RBM47: variants seen among roughly 807,000 people sequenced by gnomAD.
RBM47 encodes RNA binding motif protein 47.
In RBM47, 21 loss-of-function variants were observed where a neutral mutation model predicts 47.1. The observed-to-expected ratio is 0.45, with a 90% confidence interval of 0.32 to 0.64. The LOEUF (loss-of-function observed/expected upper bound fraction) is 0.64. RBM47 is among the 30% of genes least tolerant of loss of function. RBM47 has a pLI of 0.05. For missense variants in RBM47, 708 were observed against 870.9 expected, an observed-to-expected ratio of 0.81 and a Z score of 2.35; for synonymous variants, 375 against 361.7, an observed-to-expected ratio of 1.04 and a Z score of -0.42.
At chr4:40,586,941 A>C (rs1480781747) in intron 1 of RBM47, among the ~76,000 whole-genome samples, 1 of 152,128 alleles carries the variant, frequency 6.6e-6, no homozygotes. Flanking sequence ...GACCTTGGGC[A>C]CATCACGTGA....
At chr4:40,562,271 T>C (rs1283705831) in intron 1 of RBM47, among the ~76,000 whole-genome samples, 1 of 152,062 alleles carries the variant, frequency 6.6e-6, no homozygotes. Context: ...GGTCCTCTTT[T>C]GGAAGCCTGG....
At chr4:40,471,035 G>A (rs775086847) in intron 2 of RBM47, among the ~76,000 whole-genome samples, 23 of 152,228 alleles carry the variant, frequency 1.5e-4, no homozygotes, top group Non-Finnish European at 2.9e-4. Context: ...GAGCCACCGC[G>A]TCTCGCCAGA....
At chr4:40,477,710 G>C (rs962298715) in intron 2 of RBM47, among the ~76,000 whole-genome samples, 1 of 152,038 alleles carries the variant, frequency 6.6e-6, no homozygotes, top group Non-Finnish European at 1.5e-5. Flanking sequence ...TAAGACTAAG[G>C]GGGTAAGGAG....
At chr4:40,535,105 G>A (rs1460785460) in intron 2 of RBM47, among the ~76,000 whole-genome samples, 2 of 152,128 alleles carry the variant, frequency 1.3e-5, no homozygotes, top group Admixed American at 1.3e-4. Flanking sequence ...GATTATGGAA[G>A]AGATCAAATG....
chr4:40,438,008 G>T lies in RBM47; in HGVS notation c.886C>A (p.His296Asn), dbSNP rs546878565. ...GTGCCGTTGAGGTTGTTCATGGCAT[G>T]CACGGCATCCTCGCGGCTGGTGAAG... ...VHFTSREDAV[H>N]AMNNLNGTEL... The change falls in exon 4 of 7, where the codon CAT becomes AAT. Residue 296 changes from histidine to asparagine, a missense_variant. By Grantham distance (68) the His-to-Asn change is moderately conservative (BLOSUM62 1). Coordinates refer to ENST00000295971, the MANE Select transcript of RBM47 (RefSeq NM_001098634.2). The T allele has an allele frequency of 6.2e-7, 1 of 1,613,656 alleles. No homozygotes were observed. Among genetic ancestry groups the T allele is most frequent in the East Asian group, 2.2e-5 (1 of 44,876 alleles).
chr4:40,572,725 T>C lies in RBM47; in HGVS notation c.-239-28219A>G, dbSNP rs562128239. ...CATAGTGAGACCTTATCTCTATTTT[T>C]TAAATTTAAATAATAAAAATTTTAA... On this transcript the variant is annotated intron_variant, in intron 1 of 6. Transcript: ENST00000295971. Among the ~76,000 whole-genome samples the C allele has an allele frequency of 7.2e-5, 11 of 151,902 alleles. No individual in the cohort carries two copies. The East Asian group carries it at 2.1e-3, about 29-fold the overall frequency.
chr4:40,562,337 G>A lies in RBM47; in HGVS notation c.-239-17831C>T, dbSNP rs181342035. Among the ~76,000 whole-genome samples, 20 of 152,178 alleles carry A rather than the reference G, an allele frequency of 1.3e-4. No individual in the cohort carries two copies. The East Asian group carries it at 3.9e-3, about 29-fold the overall frequency. On this transcript the variant is annotated intron_variant, in intron 1 of 6. Transcript: ENST00000295971. ...CCCACTGAAGCACAGACCAGGAGAG[G>A]GACTTCAGAAGGCTTCCGGTCCCAA... is the stretch of plus-strand genomic sequence containing the variant.
chr4:40,477,032 C>G (rs886365430), intron 2 of RBM47, among the ~76,000 whole-genome samples: 1 of 151,864 alleles, frequency 6.6e-6, no homozygotes, highest in African/African-American at 2.4e-5. Context: ...GTCAGAAGTT[C>G]GAGACTCGGG....
At chr4:40,467,954 T>A (rs1394251523) in intron 2 of RBM47, among the ~76,000 whole-genome samples, 4 of 152,124 alleles carry the variant, frequency 2.6e-5, no homozygotes, top group African/African-American at 9.7e-5. Context: ...CCAGTTCATT[T>A]CACCTGTCTG....
intron 2 of RBM47, among the ~76,000 whole-genome samples, chr4:40,528,507 T>C (rs917181136): frequency 6.6e-6 from 1 of 151,944 alleles, no homozygotes; most frequent in African/African-American, 2.4e-5. Flanking sequence ...TAACTACATA[T>C]CTAAAATGGG....
intron 1 of RBM47, among the ~76,000 whole-genome samples, chr4:40,553,180 T>G (rs1413644791): frequency 2.6e-5 from 4 of 151,608 alleles, no homozygotes; most frequent in Non-Finnish European, 5.9e-5. Flanking sequence ...CATGAATTGA[T>G]TATTCTTTTA....
intron 3 of RBM47, among the ~76,000 whole-genome samples, chr4:40,450,717 T>C (rs1312547675): frequency 6.6e-6 from 1 of 152,142 alleles, no homozygotes. Context: ...ACCTCAGCCC[T>C]ATTGATATTT....
chr4:40,477,166 C>T (rs925970218), intron 2 of RBM47, among the ~76,000 whole-genome samples: 5 of 152,126 alleles, frequency 3.3e-5, no homozygotes, highest in African/African-American at 4.8e-5. Flanking sequence ...CTGGGCAACA[C>T]AGTGAGACTC....
chr4:40,627,107 G>C (rs1233711460), intron 1 of RBM47, among the ~76,000 whole-genome samples: 1 of 152,150 alleles, frequency 6.6e-6, no homozygotes, highest in Non-Finnish European at 1.5e-5. Flanking sequence ...TTAAGACACA[G>C]AGACTGTTCC....
chr4:40,447,135 C>T (rs1225284517), intron 3 of RBM47, among the ~76,000 whole-genome samples: 1 of 152,202 alleles, frequency 6.6e-6, no homozygotes, highest in Non-Finnish European at 1.5e-5. Flanking sequence ...GCCAAATCCC[C>T]TGAGGTAGGA....
chr4:40,568,130 GT>G (rs1254316884), intron 1 of RBM47, among the ~76,000 whole-genome samples: 2 of 151,664 alleles, frequency 1.3e-5, no homozygotes, highest in Non-Finnish European at 2.9e-5. Flanking sequence ...AAAAAAAAGT[GT>G]TGTCCCAGGC....
At chr4:40,563,753 T>A (rs991154804) in intron 1 of RBM47, among the ~76,000 whole-genome samples, 9 of 152,182 alleles carry the variant, frequency 5.9e-5, no homozygotes, top group African/African-American at 1.9e-4. Context: ...CAAAGCTACT[T>A]CTTGAAATTA....
intron 1 of RBM47, among the ~76,000 whole-genome samples, chr4:40,592,983 T>G (rs1353146938): frequency 1.0e-3 from 17 of 16,710 alleles, no homozygotes; most frequent in African/African-American, 2.8e-3. Context: ...ATATATATTT[T>G]TTTTTTTTTT....
At chr4:40,452,476 C>T (rs1408394512) in intron 3 of RBM47, among the ~76,000 whole-genome samples, 2 of 152,122 alleles carry the variant, frequency 1.3e-5, no homozygotes, top group South Asian at 2.1e-4. Flanking sequence ...GGAATAGAAA[C>T]GATTTTATAA....
Sources: gnomAD v4.1 joint callset for allele counts (sites outside exome capture counted in the v4.1 genomes callset) on GRCh38, gnomAD v4.1.1 for gene constraint, MANE v1.5 for transcripts, NCBI Gene and HGNC (gene_info 2026-07-23, HGNC 2026-07-21) for gene names.